Variants in KISS1 observed in about 807,000 individuals in gnomAD.
The protein encoded by KISS1 is KiSS-1 metastasis suppressor.
For synonymous variants in KISS1, 97 were observed against 88.7 expected (o/e 1.09, Z -0.52); for missense variants, 182 against 182.7 (o/e 1.00, Z 0.02).
intron 2 of KISS1, among the ~76,000 whole-genome samples, chr1:204,191,385 G>T (rs922223774): frequency 7.5e-6 from 1 of 132,526 alleles, no homozygotes; most frequent in Admixed American, 8.0e-5. Flanking sequence ...GCTACATAAG[G>T]ACTCAATGAG....
At chr1:204,196,257 C>T (rs537477161) in intron 1 of KISS1, 119 bp downstream of exon 1, 4 of 152,456 alleles carry the variant, frequency 2.6e-5, no homozygotes, top group Admixed American at 2.0e-4. Flanking sequence ...TCTCCCTCCC[C>T]TGCCTTTGCC....
chr1:204,192,994 G>A lies in KISS1; in HGVS notation c.-38-80C>T. 1.3e-6 allele frequency: 1 copy of A among 743,920 alleles called. No homozygotes were observed. Among genetic ancestry groups the A allele is most frequent in the Non-Finnish European group, 2.4e-6 (1 of 421,532 alleles). 46.1% of individuals were successfully genotyped at this position (743,920 alleles called of 1,614,324 possible). A position where few individuals can be genotyped will look rare whatever the true frequency, so the allele number is the denominator to read the frequency against. On this transcript the variant is annotated intron_variant, in intron 1 of 2. Transcript: ENST00000367194. The surrounding 1 kb of genome is among the most constrained non-coding windows in gnomAD (Gnocchi z 4.2). ...GCTGAGGGCAGAGCCCAGTGCAAAAGGGACAGTCCTCCAAGAGAGGGGCAA... is the reference window on the plus strand; with the variant it reads ...GCTGAGGGCAGAGCCCAGTGCAAAAAGGACAGTCCTCCAAGAGAGGGGCAA...
At chr1:204,194,940 A>T (rs1051455734) in intron 1 of KISS1, among the ~76,000 whole-genome samples, 22 of 152,052 alleles carry the variant, frequency 1.4e-4, no homozygotes, top group African/African-American at 5.1e-4. Context: ...TGAGCCAGAC[A>T]GGAATGTGGG....
At chr1:204,195,197 C>CACACACATACACCCATG (rs1558254530) in intron 1 of KISS1, among the ~76,000 whole-genome samples, 4 of 18,520 alleles carry the variant, frequency 2.2e-4, no homozygotes, top group African/African-American at 6.4e-4. Flanking sequence ...CACACACACA[C>CACACACATACACCCATG]CACACACATA....
chr1:204,192,989 CA>C lies in KISS1; in HGVS notation c.-38-76del. The C allele has an allele frequency of 1.3e-6, 1 of 755,160 alleles. No homozygotes were observed. Among genetic ancestry groups the C allele is most frequent in the East Asian group, 2.7e-5 (1 of 37,152 alleles). 46.8% of individuals were successfully genotyped at this position (755,160 alleles called of 1,614,324 possible). ...TGGGTGCTGAGGGCAGAGCCCAGTG[CA>C]AAAGGGACAGTCCTCCAAGAGAGGG... On this transcript the variant is annotated intron_variant, in intron 1 of 2. Coordinates refer to ENST00000367194, the MANE Select transcript of KISS1 (RefSeq NM_002256.4). This position sits in a 1 kb window ranked among gnomAD's most constrained non-coding sequence, Gnocchi z 4.2.
chr1:204,193,363 C>G (rs562438559), intron 1 of KISS1, among the ~76,000 whole-genome samples: 1 of 152,036 alleles, frequency 6.6e-6, no homozygotes, highest in African/African-American at 2.4e-5. Flanking sequence ...GAGTGGGGAA[C>G]TTTGAGGTTC....
intron 2 of KISS1, among the ~76,000 whole-genome samples, chr1:204,191,519 A>G (rs1450902875): frequency 6.6e-6 from 1 of 152,264 alleles, no homozygotes; most frequent in Non-Finnish European, 1.5e-5. Flanking sequence ...AGGCTCATTA[A>G]GTTCACTGTA....
chr1:204,195,363 A>G (rs1411424521), intron 1 of KISS1, among the ~76,000 whole-genome samples: 1 of 140,208 alleles, frequency 7.1e-6, no homozygotes, highest in African/African-American at 2.7e-5. Context: ...ACACATATAC[A>G]CACATACACC....
chr1:204,191,209 A>T (rs1040037136), intron 2 of KISS1, among the ~76,000 whole-genome samples: 1 of 152,194 alleles, frequency 6.6e-6, no homozygotes. Flanking sequence ...TGGCTTGCTC[A>T]TAGTGGGGCC....
chr1:204,194,636 G>A (rs555133708), intron 1 of KISS1, among the ~76,000 whole-genome samples: 1 of 152,230 alleles, frequency 6.6e-6, no homozygotes, highest in African/African-American at 2.4e-5. Context: ...ATGACATACC[G>A]GATGCATGTG....
At chr1:204,196,022 C>A (rs752196658) in intron 1 of KISS1, among the ~76,000 whole-genome samples, 3 of 152,110 alleles carry the variant, frequency 2.0e-5, no homozygotes, top group Non-Finnish European at 4.4e-5. Flanking sequence ...TCAGAGGAGC[C>A]CCATTGCTCT....
intron 1 of KISS1, among the ~76,000 whole-genome samples, chr1:204,195,277 C>CGCATACACCCATACACACACATCATACA (rs1658827864): frequency 3.6e-4 from 1 of 2,800 alleles, no homozygotes; most frequent in African/African-American, 1.3e-3. Context: ...CACACATACA[C>CGCATACACCCATACACACACATCATACA]CACACACACC....
Position 204,190,409 on chromosome 1 carries a change from T to TTGGCCCCCCCCCCCCCCC in KISS1, c.*74_*75insGGGGGGGGGGGGGGGCCA. The stretch of plus-strand genomic sequence containing the variant: ...CAGCGCCCCCTCCCTTAGCCCTACG[T>TTGGCCCCCCCCCCCCCCC]CCCCGCCCCCCGCCCCCGCCCCGCA... On this transcript the variant is annotated 3_prime_UTR_variant, in exon 3 of 3. Transcript: ENST00000367194. The TTGGCCCCCCCCCCCCCCC allele has an allele frequency of 1.8e-6, 1 of 570,142 alleles. No individual in the cohort carries two copies. The highest frequency in any genetic ancestry group is 3.1e-6 in the Non-Finnish European group (1 of 320,590). The allele number at this position is 570,142 out of a possible 1,614,324, so 35.3% of individuals were successfully genotyped here.
intron 2 of KISS1, among the ~76,000 whole-genome samples, chr1:204,191,359 C>A (rs1027508591): frequency 6.6e-6 from 1 of 150,522 alleles, no homozygotes; most frequent in Non-Finnish European, 1.5e-5. Flanking sequence ...CCCACCCCCC[C>A]AACCCCGCCC....
chr1:204,194,669 T>C (rs1658802579), intron 1 of KISS1, among the ~76,000 whole-genome samples: 1 of 151,554 alleles, frequency 6.6e-6, no homozygotes, highest in South Asian at 2.1e-4. Flanking sequence ...GATATGGGAG[T>C]CCAGGGGAAC....
At position 204,192,985 on chromosome 1, in the gene KISS1, A is replaced by C; in HGVS notation, c.-38-71T>G. 2.6e-6 allele frequency: 2 copies of C among 777,844 alleles called. No individual in the cohort carries two copies. Among genetic ancestry groups the C allele is most frequent in the Non-Finnish European group, 4.4e-6 (2 of 450,882 alleles). 48.2% of individuals were successfully genotyped at this position (777,844 alleles called of 1,614,324 possible). ...GGGCTGGGTGCTGAGGGCAGAGCCC[A>C]GTGCAAAAGGGACAGTCCTCCAAGA... On this transcript the variant is annotated intron_variant, in intron 1 of 2. Coordinates refer to ENST00000367194, the MANE Select transcript of KISS1 (RefSeq NM_002256.4). The surrounding 1 kb of genome is among the most constrained non-coding windows in gnomAD (Gnocchi z 4.2).
chr1:204,190,462 T>C lies in KISS1; in HGVS notation c.*22A>G. The stretch of plus-strand genomic sequence containing the variant: ...CTCTGACTCCTTTGGGGTCTGAAGT[T>C]CACTGCCCCGCACCTGCGCCCTCAG... On this transcript the variant is annotated 3_prime_UTR_variant, in exon 3 of 3. Transcript: ENST00000367194. 1 of 1,538,812 alleles carries C rather than the reference T, an allele frequency of 6.5e-7. No homozygotes were observed. The highest frequency in any genetic ancestry group is 8.8e-7 in the Non-Finnish European group (1 of 1,142,666).
intron 1 of KISS1, among the ~76,000 whole-genome samples, chr1:204,195,148 C>A (rs943094662): frequency 7.5e-4 from 102 of 136,322 alleles, no homozygotes; most frequent in South Asian, 3.6e-3. Flanking sequence ...ACACACACAC[C>A]CCCCACACCA....
In KISS1 at chr1:204,190,745, C is replaced by G. The variant is rs774329614; in HGVS notation, c.156G>C (p.Pro52=). The G allele has an allele frequency of 1.2e-6, 2 of 1,610,920 alleles. No homozygotes were observed. Among genetic ancestry groups the G allele is most frequent in the Admixed American group, 1.7e-5 (1 of 59,822 alleles). ...GLLAPGEQSL[P]CTERKPAATA... Reference sequence around the variant, plus strand: ...TAGCAGCTGGCTTCCTCTCGGTGCACGGCAGGCTCTGCTCCCCGGGGGCCA... The same window carrying G: ...TAGCAGCTGGCTTCCTCTCGGTGCAGGGCAGGCTCTGCTCCCCGGGGGCCA... Residue 52 remains proline, a synonymous_variant, in exon 3 of 3, where the codon CCG becomes CCC. Transcript: ENST00000367194.
Sources: allele counts gnomAD v4.1 joint callset (sites outside exome capture counted in the v4.1 genomes callset), GRCh38; gene constraint gnomAD v4.1.1; non-coding constraint Gnocchi (gnomAD v3.1); transcripts MANE v1.5; gene names NCBI Gene and HGNC (gene_info 2026-07-23, HGNC 2026-07-21).